RDH10: variants seen among roughly 807,000 people sequenced by gnomAD.
RDH10 encodes retinol dehydrogenase 10, also known as retinol dehydrogenase 10 (all-trans).
Under a neutral mutation model 30.2 loss-of-function variants are expected in RDH10, and 12 were observed. That is an observed-to-expected ratio of 0.40 (90% CI 0.25 to 0.64). The LOEUF is 0.64. RDH10 is among the 30% of genes least tolerant of loss of function. The pLI, the probability that RDH10 is intolerant of heterozygous loss-of-function variation, is 0.43. For missense variants in RDH10, 268 were observed against 445.2 expected (o/e 0.60, Z 3.58); for synonymous variants, 189 against 172.2 (o/e 1.10, Z -0.76).
intron 3 of RDH10, among the ~76,000 whole-genome samples, chr8:73,319,507 A>G (rs1814728515): frequency 6.6e-6 from 1 of 152,236 alleles, no homozygotes; most frequent in African/African-American, 2.4e-5. Context: ...CCTGGGAGAT[A>G]GAGCAAGACC....
chr8:73,296,178 A>G (rs551161066), intron 1 of RDH10, among the ~76,000 whole-genome samples: 6 of 152,022 alleles, frequency 3.9e-5, no homozygotes, highest in Admixed American at 3.9e-4. Context: ...AATTTCTTCC[A>G]TGTTTTTGGT....
chr8:73,306,408 C>T (rs1814463906), intron 2 of RDH10, among the ~76,000 whole-genome samples: 1 of 152,182 alleles, frequency 6.6e-6, no homozygotes, highest in South Asian at 2.1e-4. Flanking sequence ...TTTGTCAATT[C>T]TCTTAAAACT....
chr8:73,315,419 T>G, intron 2 of RDH10: 1 of 301,232 alleles, frequency 3.3e-6, no homozygotes, highest in South Asian at 2.9e-5. Flanking sequence ...ACCCTCCTTA[T>G]GGACAAACTG....
At chr8:73,320,272 A>G (rs1055969466) in intron 3 of RDH10, among the ~76,000 whole-genome samples, 2 of 152,132 alleles carry the variant, frequency 1.3e-5, no homozygotes, top group African/African-American at 4.8e-5. Flanking sequence ...TTCAAAGTGA[A>G]CCTCTCTCCA....
At chr8:73,306,490 A>C (rs1260356596) in intron 2 of RDH10, among the ~76,000 whole-genome samples, 1 of 152,250 alleles carries the variant, frequency 6.6e-6, no homozygotes, top group African/African-American at 2.4e-5. Context: ...ACAGGGGGAA[A>C]AAATGAATAT....
chr8:73,319,021 T>G, intron 2 of RDH10, 75 bp from the exon 3 acceptor site: 2 of 912,134 alleles, frequency 2.2e-6, no homozygotes, highest in Non-Finnish European at 3.4e-6. Flanking sequence ...TAAAAGTTTG[T>G]TTTGTGATCC....
At chr8:73,315,578 C>A in intron 2 of RDH10, 1 of 455,718 alleles carries the variant, frequency 2.2e-6, no homozygotes, top group Non-Finnish European at 4.4e-6. Context: ...TGATGTGGTG[C>A]TGGGGATCTG....
chr8:73,295,073 C>T lies in RDH10; in HGVS notation c.-217C>T, dbSNP rs1283428538. The T allele has an allele frequency of 5.8e-6, 2 of 342,066 alleles. No homozygotes were observed. The highest frequency in any genetic ancestry group is 7.8e-4 in the Middle Eastern group (1 of 1,282). 21.2% of individuals were successfully genotyped at this position (342,066 alleles called of 1,614,324 possible). The stretch of plus-strand genomic sequence containing the variant: ...GGTGACTGCCGCGGCGGGCACAGTC[C>T]GGGGCCACAGCGCCGAGCCCGGGCG... On this transcript the variant is annotated 5_prime_UTR_variant, in exon 1 of 6. Coordinates refer to ENST00000240285, the MANE Select transcript of RDH10 (RefSeq NM_172037.5).
intron 2 of RDH10, among the ~76,000 whole-genome samples, chr8:73,305,225 C>G (rs548084403): frequency 6.6e-6 from 1 of 152,334 alleles, no homozygotes; most frequent in Admixed American, 6.5e-5. Context: ...TTATTCTCTT[C>G]TCCTACATTT....
intron 2 of RDH10, among the ~76,000 whole-genome samples, chr8:73,317,927 C>A: frequency 6.7e-6 from 1 of 150,038 alleles, no homozygotes; most frequent in Non-Finnish European, 1.5e-5. Context: ...CCCCCACCCC[C>A]GCCCAAAAAA....
At chr8:73,316,099 C>T (rs1468768382) in intron 2 of RDH10, among the ~76,000 whole-genome samples, 3 of 152,186 alleles carry the variant, frequency 2.0e-5, no homozygotes, top group Admixed American at 2.0e-4. Context: ...TCACTGTAGC[C>T]TCGACCTCCT....
At chr8:73,311,813 C>T (rs1814568466) in intron 2 of RDH10, 1 of 152,164 alleles carries the variant, frequency 6.6e-6, no homozygotes, top group Non-Finnish European at 1.5e-5. Flanking sequence ...GGCTCTATTG[C>T]ACAATTGGTC....
rs532292795 is a variant in RDH10, at chr8:73,302,452, G to A, written c.525+5023G>A. On this transcript the variant is annotated intron_variant, in intron 2 of 5. Transcript: ENST00000240285. ...TGTAATCCCAACACTTTGGGAGGCC[G>A]AGGAGGGTGGATTGCTTGAACCCAG... 5.0e-4 allele frequency among the ~76,000 whole-genome samples: 76 copies of A among 152,314 alleles called. 1 individual carries two copies. The South Asian group carries it at 7.9e-3, about 16-fold the overall frequency.
intron 2 of RDH10, among the ~76,000 whole-genome samples, chr8:73,308,182 G>A (rs191334875): frequency 7.2e-5 from 11 of 152,246 alleles, no homozygotes; most frequent in African/African-American, 2.4e-4. Context: ...TGAATAATTG[G>A]TACCAAAATA....
rs1005420567 is a variant in RDH10, at chr8:73,294,967, C to T, written c.-323C>T. 2.6e-6 allele frequency: 1 copy of T among 391,032 alleles called. No individual in the cohort carries two copies. Among genetic ancestry groups the T allele is most frequent in the Non-Finnish European group, 4.5e-6 (1 of 221,118 alleles). 24.2% of individuals were successfully genotyped at this position (391,032 alleles called of 1,614,324 possible). On this transcript the variant is annotated 5_prime_UTR_variant, in exon 1 of 6. Transcript: ENST00000240285. The stretch of plus-strand genomic sequence containing the variant: ...GCAGTTCGAGTAGTCTAACTCGCGG[C>T]TGTCACCGCCACTGCAGCGGAGCCG...
chr8:73,295,843 C>T (rs1814253534), intron 1 of RDH10: 2 of 1,261,250 alleles, frequency 1.6e-6, no homozygotes, highest in East Asian at 3.4e-5. Context: ...TTTCCTAAGC[C>T]CTCCGGGGTA....
rs1334637507 is a variant in RDH10, at chr8:73,295,572, C to G, written c.283C>G (p.Leu95Val). The change falls in exon 1 of 6, where the codon CTG becomes GTG. Residue 95 changes from leucine (L) to valine (V), a missense_variant. Transcript: ENST00000240285. The stretch of plus-strand genomic sequence containing the variant: ...CCTGGAGGCGGCCGACGCCGCTGCG[C>G]TGCAAGGTAACCTGGACCCGCGCGG... ...RDLEAADAAA[L>V]QAGNGEEEIL... is the part of the protein sequence containing the mutation. 6.6e-7 allele frequency: 1 copy of G among 1,519,982 alleles called. No individual in the cohort carries two copies. The highest frequency in any genetic ancestry group is 2.1e-5 in the Admixed American group (1 of 48,094). The allele number at this position is 1,519,982 out of a possible 1,614,324, so 94.2% of individuals were successfully genotyped here.
chr8:73,318,537 G>GT (rs1269822810), intron 2 of RDH10, among the ~76,000 whole-genome samples: 1 of 152,224 alleles, frequency 6.6e-6, no homozygotes. Flanking sequence ...AATTTAGCCT[G>GT]TTTTTTACAT....
chr8:73,297,172 T>C, intron 1 of RDH10, 22 bp from the exon 2 acceptor site: 1 of 1,410,122 alleles, frequency 7.1e-7, no homozygotes, highest in Non-Finnish European at 1.0e-6. Context: ...TGTTTTCTCC[T>C]CATCTGGACT....
Sources: gnomAD v4.1 joint callset for allele counts (sites outside exome capture counted in the v4.1 genomes callset) on GRCh38, gnomAD v4.1.1 for gene constraint, MANE v1.5 for transcripts, NCBI Gene and HGNC (gene_info 2026-07-23, HGNC 2026-07-21) for gene names.